The following TTN variants were observed in gnomAD, a reference collection of about 807,000 sequenced individuals.
TTN encodes the protein titin, also known as connectin.
A neutral mutation model predicts 3,223.0 loss-of-function variants in TTN; 1,525 were observed. That is an observed-to-expected ratio of 0.47 (90% CI 0.45 to 0.49). The LOEUF (loss-of-function observed/expected upper bound fraction) is 0.49, where lower values mean the gene tolerates loss of function less well. TTN is among the 20% of genes least tolerant of loss of function. The pLI is 0.00. For missense variants in TTN, 40,786 were observed against 43,424.0 expected (o/e 0.94, Z 5.40); for synonymous variants, 14,094 against 15,161.0 (o/e 0.93, Z 5.17).
rs986183406 is a variant in TTN at position 178,587,343 on chromosome 2, G to A, written c.63868C>T (p.Pro21290Ser). Residue 21290 changes from proline to serine, a missense_variant, in exon 307 of 363, where the codon CCT becomes TCT. Pro to Ser is a moderately conservative substitution (Grantham distance 74, BLOSUM62 -1). Transcript: ENST00000589042. ...KTSCHVSWAP[P>S]ENDGGSQVTH... ...ACTTGGCTCCCACCGTCGTTTTCAG[G>A]AGGGGCCCAGGACACATGGCATGAT... is the stretch of plus-strand genomic sequence containing the variant. 8.1e-6 allele frequency: 13 copies of A among 1,612,478 alleles called. No individual in the cohort carries two copies. Among genetic ancestry groups the A allele is most frequent in the Non-Finnish European group, 1.1e-5 (13 of 1,179,304 alleles).
chr2:178,733,512 C>T lies in TTN; in HGVS notation c.15781G>A (p.Ala5261Thr), dbSNP rs1460264002. 6 of 1,609,620 alleles carry T rather than the reference C, an allele frequency of 3.7e-6. No individual in the cohort carries two copies. The highest frequency in any genetic ancestry group is 5.1e-6 in the Non-Finnish European group (6 of 1,177,072). Residue 5261 changes from alanine (A) to threonine (T), a missense_variant, in exon 54 of 363, where the codon GCC becomes ACC. Coordinates refer to ENST00000589042, the MANE Select transcript of TTN (RefSeq NM_001267550.2). ...AGTTCTGCTCGCTCAATGATTTTGG[C>T]AGGTTCTACAATGGTATGAAATAGT... is the stretch of plus-strand genomic sequence containing the variant. ...SVGELIVKEP[A>T]KIIERAELIQ...
Position 178,563,637 on chromosome 2 carries a change from T to A in TTN, c.82495A>T (p.Thr27499Ser), listed in dbSNP as rs1366798233. Residue 27499 changes from threonine (T) to serine (S), a missense_variant, in exon 326 of 363, where the codon ACC becomes TCC. Coordinates refer to ENST00000589042, the MANE Select transcript of TTN (RefSeq NM_001267550.2). The surrounding 1 kb of genome is among the most constrained non-coding windows in gnomAD (Gnocchi z 4.5). ...TCAAGAATGTAGCCCTCAATTTCGG[T>A]ACCTCCGTCGTCTACTGGGCGTGCC... ...TWARPVDDGG[T>S]EIEGYILEKR... is the part of the protein sequence containing the mutation. The A allele has an allele frequency of 1.2e-5, 20 of 1,613,666 alleles. No homozygotes were observed. The highest frequency in any genetic ancestry group is 1.7e-5 in the Non-Finnish European group (20 of 1,179,774).
rs776797528 is a variant in TTN, at chr2:178,579,345, G to T, written c.67685C>A (p.Ala22562Asp). ...LKGLPDLCYL[A>D]KENSNFRLKI... ...AAGCCGGAAGTTGCTGTTTTCTTTAGCCAAGTAGCACAAATCAGGTAGACC... is the reference window on the plus strand; with the variant it reads ...AAGCCGGAAGTTGCTGTTTTCTTTATCCAAGTAGCACAAATCAGGTAGACC... The change falls in exon 320 of 363, where the codon GCT becomes GAT. Residue 22562 changes from alanine to aspartate, a missense_variant. By Grantham distance (126) the Ala-to-Asp change is moderately radical (BLOSUM62 -2). Transcript: ENST00000589042. 4.4e-6 allele frequency: 7 copies of T among 1,603,696 alleles called. No individual in the cohort carries two copies. Among genetic ancestry groups the T allele is most frequent in the Non-Finnish European group, 5.1e-6 (6 of 1,175,270 alleles).
chr2:178,562,486 A>C lies in TTN; in HGVS notation c.83646T>G (p.Ile27882Met). 1 of 1,613,240 alleles carries C rather than the reference A, an allele frequency of 6.2e-7. No homozygotes were observed. The highest frequency in any genetic ancestry group is 1.7e-5 in the Admixed American group (1 of 59,950). The change falls in exon 326 of 363, where the codon ATT becomes ATG. Residue 27882 changes from isoleucine to methionine, a missense_variant. Coordinates refer to ENST00000589042, the MANE Select transcript of TTN (RefSeq NM_001267550.2). ...LVDVTRNTAT[I>M]KWEKPESDGG... is the part of the protein sequence containing the mutation. ...CATCACTTTCTGGTTTCTCCCACTT[A>C]ATTGTAGCTGTATTACGGGTCACAT...
In TTN at chr2:178,609,938, T is replaced by C; in HGVS notation, c.51485A>G (p.Glu17162Gly). The C allele has an allele frequency of 6.2e-7, 1 of 1,612,878 alleles. No homozygotes were observed. Among genetic ancestry groups the C allele is most frequent in the Non-Finnish European group, 8.5e-7 (1 of 1,179,240 alleles). Residue 17162 changes from glutamate (E) to glycine (G), a missense_variant, in exon 272 of 363, where the codon GAG (glutamate) becomes GGG (glycine). Coordinates refer to ENST00000589042, the MANE Select transcript of TTN (RefSeq NM_001267550.2). ...TGGCTTCCATGTAATAGTCATTGCC[T>C]CCGCTGTAGGATTATGAACCTCTAC... ...VDVEVHNPTA[E>G]AMTITWKPPL...
intron 78 of TTN, 100 bp from the exon 79 acceptor site, chr2:178,721,302 G>T: frequency 9.4e-7 from 1 of 1,059,852 alleles, no homozygotes; most frequent in Non-Finnish European, 1.2e-6. Flanking sequence ...TATTTAAACT[G>T]GTTTGTTATT....
Position 178,574,928 on chromosome 2 carries a change from T to C in TTN, c.71204A>G (p.Lys23735Arg). The C allele has an allele frequency of 6.2e-7, 1 of 1,612,968 alleles. No individual in the cohort carries two copies. The change falls in exon 326 of 363, where the codon AAA becomes AGA. Residue 23735 changes from lysine (K) to arginine (R), a missense_variant. Physicochemically the swap from Lys to Arg is conservative, Grantham distance 26. Transcript: ENST00000589042. ...AAAATCAGATGAAACTTCATCAAAT[T>C]TGATTGGTCCAGTAGGTGGCCCTGG... Reference protein sequence around the residue: ...DIPGPPTGPIKFDEVSSDFVT... With the variant: ...DIPGPPTGPIRFDEVSSDFVT...
rs764100235 is a variant in TTN, at chr2:178,620,046, C to T, written c.46371G>A (p.Glu15457=). 6.2e-7 allele frequency: 1 copy of T among 1,611,998 alleles called. No homozygotes were observed. The highest frequency in any genetic ancestry group is 1.3e-5 in the African/African-American group (1 of 74,870). ...CTTCTACCCCGCAAGCATATTCACA[C>T]TCATCATCCAGCCTGCAATCTTTTA... The part of the protein sequence containing the change: ...LIIKDCRLDD[E]CEYACGVEDR... Residue 15457 remains glutamate (E), a synonymous_variant, in exon 249 of 363, where the codon GAG becomes GAA. Coordinates refer to ENST00000589042, the MANE Select transcript of TTN (RefSeq NM_001267550.2).
Position 178,557,150 on chromosome 2 carries a change from G to T in TTN, c.88010-6C>A. On this transcript the variant is annotated splice_polypyrimidine_tract_variant and splice_region_variant and intron_variant, in intron 329 of 362. Coordinates refer to ENST00000589042, the MANE Select transcript of TTN (RefSeq NM_001267550.2). ...ACGAACATTTCTTGGGGGTTCTGTG[G>T]TAATAAGAGAAGCAGATTAGCGGCA... is the stretch of plus-strand genomic sequence containing the variant. 1 of 1,613,182 alleles carries T rather than the reference G, an allele frequency of 6.2e-7. No homozygotes were observed.
intron 47 of TTN, chr2:178,750,786 A>G: frequency 6.2e-7 from 1 of 1,613,108 alleles, no homozygotes; most frequent in Non-Finnish European, 8.5e-7. Flanking sequence ...ATAGCTTGAG[A>G]CACATTTTCA....
rs201232835 is a variant in TTN, at chr2:178,635,209, G to T, written c.41980C>A (p.Pro13994Thr). 2 of 1,613,274 alleles carry T rather than the reference G, an allele frequency of 1.2e-6. No individual in the cohort carries two copies. Among genetic ancestry groups the T allele is most frequent in the East Asian group, 4.5e-5 (2 of 44,774 alleles). Reference sequence around the variant, plus strand: ...TCTCCTTTCAGTTTCCATTGTCCAGGAATGTCTGCCTCTGAGATTTCTGCA... The same window carrying T: ...TCTCCTTTCAGTTTCCATTGTCCAGTAATGTCTGCCTCTGAGATTTCTGCA... ...FDAEISEADI[P>T]GQWKLKGELL... Residue 13994 changes from proline (P) to threonine (T), a missense_variant, in exon 228 of 363, where the codon CCT (proline) becomes ACT (threonine). Transcript: ENST00000589042.
chr2:178,544,901 C>T (rs1298792656), intron 344 of TTN, among the ~76,000 whole-genome samples: 1 of 152,100 alleles, frequency 6.6e-6, no homozygotes, highest in Non-Finnish European at 1.5e-5. Context: ...CCTTAGCTTC[C>T]CCAATTCAGT....
At chr2:178,748,489 A>C in intron 47 of TTN, 1 of 1,613,018 alleles carries the variant, frequency 6.2e-7, no homozygotes, top group Non-Finnish European at 8.5e-7. Flanking sequence ...GCTGTTCCCT[A>C]GTTTCTTGCC....
At position 178,722,001 on chromosome 2, in the gene TTN, C is replaced by A. The variant is rs879075975; in HGVS notation, c.22662G>T (p.Glu7554Asp). ...TTGTATAGTTTCCTCCAGGACGGAT[C>A]TCCTTGTTATCTTTTGACCAAGTGA... ...MRITWSKDNK[E>D]IRPGGNYTIT... The change falls in exon 78 of 363, where the codon GAG becomes GAT. Residue 7554 changes from glutamate (E) to aspartate (D), a missense_variant. Glu to Asp is a conservative substitution (Grantham distance 45, BLOSUM62 2). Coordinates refer to ENST00000589042, the MANE Select transcript of TTN (RefSeq NM_001267550.2). 2 of 1,613,540 alleles carry A rather than the reference C, an allele frequency of 1.2e-6. No homozygotes were observed. Among genetic ancestry groups the A allele is most frequent in the African/African-American group, 1.3e-5 (1 of 75,016 alleles).
rs879220772 is a variant in TTN, at chr2:178,534,434, G to A, written c.102181C>T (p.Arg34061Cys). 7 of 1,612,404 alleles carry A rather than the reference G, an allele frequency of 4.3e-6. No individual in the cohort carries two copies. Among genetic ancestry groups the A allele is most frequent in the African/African-American group, 4.0e-5 (3 of 74,920 alleles). Residue 34061 changes from arginine to cysteine, a missense_variant, in exon 358 of 363, where the codon CGC (arginine) becomes TGC (cysteine). By Grantham distance (180) the Arg-to-Cys change is radical (BLOSUM62 -3). Transcript: ENST00000589042. ...TGGAGAGCCTCCGATGCTGTCATGC[G>A]AGATTTCCTCTCTTTCACTAACAAC... The part of the protein sequence containing the change: ...DRLLVKERKS[R>C]MTASEALQHP...
Position 178,666,866 on chromosome 2 carries a change from C to G in TTN, c.35833G>C (p.Glu11945Gln). ...TTTCTTCTTTTAACAATAGGAGTTTCTCCCTCTGGAATGACTTCCTTGAAG... is the reference window on the plus strand; with the variant it reads ...TTTCTTCTTTTAACAATAGGAGTTTGTCCCTCTGGAATGACTTCCTTGAAG... ...EVFKEVIPEG[E>Q]TPIVKRRKTP... is the part of the protein sequence containing the mutation. The change falls in exon 163 of 363, where the codon GAA (glutamate) becomes CAA (glutamine). Residue 11945 changes from glutamate to glutamine, a missense_variant. Physicochemically the swap from Glu to Gln is conservative, Grantham distance 29. Transcript: ENST00000589042. 1.3e-6 allele frequency: 2 copies of G among 1,571,486 alleles called. No individual in the cohort carries two copies. Among genetic ancestry groups the G allele is most frequent in the Non-Finnish European group, 1.7e-6 (2 of 1,157,736 alleles).
At chr2:178,537,314 A>G (rs554366429) in intron 355 of TTN, 28 bp downstream of exon 355, 4 of 1,520,846 alleles carry the variant, frequency 2.6e-6, no homozygotes, top group Admixed American at 2.3e-5. Context: ...TTTAAAAATA[A>G]AAAGCACTGA....
rs1231209935 is a variant in TTN, at chr2:178,774,295, G to A, written c.6969C>T (p.Leu2323=). ...TITSRRGRQN[L]TVKDVTKEDQ... ...CCTCCTTGGTTACATCCTTGACCGT[G>A]AGGTTCTGACGTCCACGACGAGATG... Residue 2323 remains leucine (L), a synonymous_variant, in exon 30 of 363, where the codon CTC becomes CTT. Coordinates refer to ENST00000589042, the MANE Select transcript of TTN (RefSeq NM_001267550.2). 6.2e-7 allele frequency: 1 copy of A among 1,614,052 alleles called. No individual in the cohort carries two copies. The highest frequency in any genetic ancestry group is 8.5e-7 in the Non-Finnish European group (1 of 1,179,980).
In TTN at chr2:178,574,948, C is replaced by T. The variant is rs1429918661; in HGVS notation, c.71184G>A (p.Gly23728=). 9 of 1,612,896 alleles carry T rather than the reference C, an allele frequency of 5.6e-6. No individual in the cohort carries two copies. The Admixed American group carries it at 6.7e-5, about 12-fold the overall frequency. The change falls in exon 326 of 363, where the codon GGG becomes GGA. Residue 23728 remains glycine, a synonymous_variant. Transcript: ENST00000589042. ...VITIQVHDIP[G]PPTGPIKFDE... is the part of the protein sequence containing the mutation. ...CAAATTTGATTGGTCCAGTAGGTGG[C>T]CCTGGGATATCATGGACTTGAATGG...
Sources: allele counts gnomAD v4.1 joint callset (sites outside exome capture counted in the v4.1 genomes callset), GRCh38; gene constraint gnomAD v4.1.1; non-coding constraint Gnocchi (gnomAD v3.1); transcripts MANE v1.5; gene names NCBI Gene and HGNC (gene_info 2026-07-23, HGNC 2026-07-21).